LIMCH1: variants seen among roughly 807,000 people sequenced by gnomAD.
LIMCH1 encodes the protein LIM and calponin homology domains-containing protein 1.
In LIMCH1, 113 loss-of-function variants were observed where a neutral mutation model predicts 176.5. The observed-to-expected ratio is 0.64, with a 90% CI of 0.55 to 0.75. The LOEUF is 0.75. Among genes scored for constraint, LIMCH1 ranks in the 30% least tolerant of loss-of-function variants. The pLI is 0.00. For synonymous variants in LIMCH1, 619 were observed against 645.9 expected (o/e 0.96, Z 0.63); for missense variants, 1,674 against 1,814.9 (o/e 0.92, Z 1.41).
rs561062758 is a variant in LIMCH1 at position 41,419,596 on chromosome 4, T to G, written c.96+58660T>G. Among the ~76,000 whole-genome samples, 110 of 80,344 alleles carry G rather than the reference T, an allele frequency of 1.4e-3. 1 individual carries two copies. Among genetic ancestry groups the G allele is most frequent in the African/African-American group, 9.3e-3 (84 of 9,032 alleles). 52.7% of individuals were successfully genotyped at this position (80,344 alleles called of 152,430 possible). A position where few individuals can be genotyped will look rare whatever the true frequency, so the allele number is the denominator to read the frequency against. ...CTTCCTTCCTTCCTTCCTTCCTTCC[T>G]TCCTTCCGTCCTTCCTTCCTTCCTT... On this transcript the variant is annotated intron_variant, in intron 1 of 26. Transcript: ENST00000313860.
chr4:41,553,597 G>A (rs896868415), intron 1 of LIMCH1, among the ~76,000 whole-genome samples: 4 of 152,130 alleles, frequency 2.6e-5, no homozygotes, highest in Non-Finnish European at 5.9e-5. Context: ...ACCTGGTAAA[G>A]GACGTGGGAT....
intron 1 of LIMCH1, among the ~76,000 whole-genome samples, chr4:41,408,066 T>A (rs908017676): frequency 1.3e-5 from 2 of 152,172 alleles, no homozygotes; most frequent in African/African-American, 4.8e-5. Context: ...CCATACCTTG[T>A]CCATAGTTAG....
intron 1 of LIMCH1, among the ~76,000 whole-genome samples, chr4:41,447,792 AT>A (rs201513757): frequency 2.0e-5 from 3 of 149,568 alleles, no homozygotes; most frequent in African/African-American, 7.4e-5. Flanking sequence ...TGGGAGTAGC[AT>A]TTTTTTTTCG....
rs568050180 is a variant in LIMCH1, at chr4:41,539,345, C to A, written c.-241+995C>A. Among the ~76,000 whole-genome samples the A allele has an allele frequency of 2.3e-3, 354 of 152,226 alleles. 1 individual carries two copies. The highest frequency in any genetic ancestry group is 8.2e-3 in the African/African-American group (340 of 41,518). ...GAGAAGGGGTTTGTCCTGTGCTGCG[C>A]GGGTGGGTTCCGCACAAGGTGAAGG... On this transcript the variant is annotated intron_variant, in intron 1 of 31. Coordinates refer to ENST00000503057, the MANE Select transcript of LIMCH1 (RefSeq NM_001330672.2).
At chr4:41,486,997 CACACAT>C (rs1384455366) in intron 1 of LIMCH1, among the ~76,000 whole-genome samples, 41 of 151,440 alleles carry the variant, frequency 2.7e-4, no homozygotes, top group African/African-American at 1.0e-3. Flanking sequence ...CACACACACA[CACACAT>C]ATATATATAC....
intron 30 of LIMCH1, among the ~76,000 whole-genome samples, chr4:41,691,661 G>T (rs533337633): frequency 6.6e-6 from 1 of 151,964 alleles, no homozygotes; most frequent in African/African-American, 2.4e-5. Context: ...TACTCAGGAG[G>T]CTGAGGCAGG....
chr4:41,409,417 T>C (rs1022591947), intron 1 of LIMCH1, among the ~76,000 whole-genome samples: 7 of 152,190 alleles, frequency 4.6e-5, no homozygotes, highest in Admixed American at 2.6e-4. Context: ...ATTAACACTA[T>C]GACATTTCAA....
rs181940115 is a variant in LIMCH1 at position 41,630,148 on chromosome 4, G to A, written c.1271+414G>A. Among the ~76,000 whole-genome samples the A allele has an allele frequency of 4.9e-4, 74 of 152,064 alleles. No homozygotes were observed. In the South Asian group the frequency reaches 9.8e-3, roughly 20 times the overall value. On this transcript the variant is annotated intron_variant, in intron 9 of 31. Coordinates refer to ENST00000503057, the MANE Select transcript of LIMCH1 (RefSeq NM_001330672.2). ...ATTAATTTTTTTAAATAGAGATGGG[G>A]TCTTGCTATGTTGCTCAGGCTGATC...
At chr4:41,663,381 A>G (rs2094701250) in intron 20 of LIMCH1, among the ~76,000 whole-genome samples, 1 of 151,946 alleles carries the variant, frequency 6.6e-6, no homozygotes, top group African/African-American at 2.4e-5. Context: ...CTTTGTGGAA[A>G]AGTGTAATAT....
At chr4:41,444,975 C>T (rs974832216) in intron 1 of LIMCH1, among the ~76,000 whole-genome samples, 4 of 151,146 alleles carry the variant, frequency 2.6e-5, no homozygotes, top group Admixed American at 1.3e-4. Context: ...CCACTGTGTG[C>T]TTTTGTAGGC....
At chr4:41,463,719 A>T (rs2065716255) in intron 1 of LIMCH1, among the ~76,000 whole-genome samples, 1 of 151,814 alleles carries the variant, frequency 6.6e-6, no homozygotes, top group Admixed American at 6.6e-5. Context: ...CTGGCACTAC[A>T]GGTGCGCGCT....
chr4:41,612,936 G>T, intron 4 of LIMCH1: 1 of 1,486,466 alleles, frequency 6.7e-7, no homozygotes. Context: ...AGCAGGAGAT[G>T]AACGCGTGCT....
At chr4:41,515,920 C>T (rs1430916356) in intron 2 of LIMCH1, among the ~76,000 whole-genome samples, 4 of 152,198 alleles carry the variant, frequency 2.6e-5, no homozygotes, top group Non-Finnish European at 5.9e-5. Context: ...TCTCCACGCT[C>T]TTGATAGCAA....
chr4:41,564,828 C>T (rs1415618688), intron 1 of LIMCH1, among the ~76,000 whole-genome samples: 1 of 152,050 alleles, frequency 6.6e-6, no homozygotes, highest in Non-Finnish European at 1.5e-5. Context: ...CTGTGTTGTT[C>T]TCGTGATGGT....
intron 1 of LIMCH1, among the ~76,000 whole-genome samples, chr4:41,424,625 A>G (rs1424033447): frequency 6.6e-6 from 1 of 152,214 alleles, no homozygotes; most frequent in Non-Finnish European, 1.5e-5. Context: ...TTCACATTGA[A>G]TAAATAAAGA....
rs73135476 is a variant in LIMCH1 at position 41,619,824 on chromosome 4, C to T, written c.458+384C>T. Reference sequence around the variant, plus strand: ...CTTTATGCAAAAAGATGTTTTAAAACTCTAGGCTTAAATTAACTTGATATA... The same window carrying T: ...CTTTATGCAAAAAGATGTTTTAAAATTCTAGGCTTAAATTAACTTGATATA... On this transcript the variant is annotated intron_variant, in intron 6 of 31. Coordinates refer to ENST00000503057, the MANE Select transcript of LIMCH1 (RefSeq NM_001330672.2). 289 of 232,588 alleles carry T rather than the reference C, an allele frequency of 1.2e-3. 2 individuals are homozygous for T. Among genetic ancestry groups the T allele is most frequent in the African/African-American group, 5.9e-3 (269 of 45,588 alleles). The allele number at this position is 232,588 out of a possible 1,614,324, so 14.4% of individuals were successfully genotyped here. A position where few individuals can be genotyped will look rare whatever the true frequency, so the allele number is the denominator to read the frequency against.
upstream of LIMCH1, among the ~76,000 whole-genome samples, chr4:41,537,719 G>A (rs540046704): frequency 4.6e-5 from 7 of 152,166 alleles, no homozygotes; most frequent in Non-Finnish European, 7.3e-5. Flanking sequence ...ATGATGGATG[G>A]TACACAGGAT....
intron 18 of LIMCH1, among the ~76,000 whole-genome samples, chr4:41,651,881 G>T (rs1371293): frequency 3.9e-5 from 6 of 151,936 alleles, no homozygotes; most frequent in Non-Finnish European, 7.4e-5. Flanking sequence ...TGGGAAAATT[G>T]CACTTTCTTC....
chr4:41,633,939 G>T (rs2152879782), intron 13 of LIMCH1, 131 bp downstream of exon 13: 1 of 1,043,934 alleles, frequency 9.6e-7, no homozygotes, highest in Non-Finnish European at 1.3e-6. Flanking sequence ...ATCAAAATTG[G>T]CCTCATCTGC....
Sources: allele counts gnomAD v4.1 joint callset (sites outside exome capture counted in the v4.1 genomes callset), GRCh38; gene constraint gnomAD v4.1.1; transcripts MANE v1.5; gene names NCBI Gene and HGNC (gene_info 2026-07-23, HGNC 2026-07-21).